Variants in FARS2 observed in about 807,000 individuals in gnomAD.
FARS2 encodes the protein phenylalanine--tRNA ligase, mitochondrial.
A neutral mutation model predicts 46.4 loss-of-function variants in FARS2; 40 were observed. The ratio of observed to expected loss-of-function variants is 0.86; its 90% CI spans 0.67 to 1.12. The LOEUF (loss-of-function observed/expected upper bound fraction) is 1.12. FARS2 is among the 50% of genes most tolerant of loss of function. FARS2 has a pLI of 0.00. For synonymous variants in FARS2, 234 were observed against 214.9 expected, an observed-to-expected ratio of 1.09 and a Z score of -0.78; for missense variants, 513 against 567.9, an observed-to-expected ratio of 0.90 and a Z score of 0.98.
At chr6:5,670,968 C>CAGTGTG (rs1358270329) in intron 6 of FARS2, among the ~76,000 whole-genome samples, 58 of 152,214 alleles carry the variant, frequency 3.8e-4, no homozygotes, top group Non-Finnish European at 6.3e-4. Context: ...GCAGTCTATG[C>CAGTGTG]CTGACTGTAT....
chr6:5,644,958 G>C (rs1049079128), intron 6 of FARS2, among the ~76,000 whole-genome samples: 5 of 152,322 alleles, frequency 3.3e-5, no homozygotes, highest in African/African-American at 1.2e-4. Flanking sequence ...CTAGAAAAGA[G>C]ACTGAACAAA....
At chr6:5,268,192 G>C (rs1765684131) in intron 1 of FARS2, among the ~76,000 whole-genome samples, 2 of 151,768 alleles carry the variant, frequency 1.3e-5, no homozygotes, top group Non-Finnish European at 2.9e-5. Context: ...TTGCTGTGCA[G>C]AAGCTCTTTA....
intron 6 of FARS2, among the ~76,000 whole-genome samples, chr6:5,688,529 C>A (rs903085443): frequency 1.8e-4 from 27 of 152,192 alleles, no homozygotes; most frequent in Non-Finnish European, 3.5e-4. Context: ...GTTGAAGCAG[C>A]CTTGCATCCC....
intron 4 of FARS2, among the ~76,000 whole-genome samples, chr6:5,468,027 A>G (rs1256233159): frequency 6.6e-6 from 1 of 152,226 alleles, no homozygotes; most frequent in Admixed American, 6.5e-5. Flanking sequence ...GTAAAAACTT[A>G]TAGCCACCAA....
chr6:5,596,301 C>G (rs754544634), intron 5 of FARS2, among the ~76,000 whole-genome samples: 2 of 152,244 alleles, frequency 1.3e-5, no homozygotes, highest in Non-Finnish European at 2.9e-5. Context: ...GCTCATTAAC[C>G]GTGCACCCCT....
At chr6:5,632,694 T>C (rs1348092543) in intron 6 of FARS2, among the ~76,000 whole-genome samples, 2 of 150,538 alleles carry the variant, frequency 1.3e-5, no homozygotes, top group African/African-American at 4.9e-5. Context: ...TGTGAAGTGG[T>C]GTCTCATCGT....
At chr6:5,253,427 GT>G in the FARS2 span, among the ~76,000 whole-genome samples, 32 of 145,650 alleles carry the variant, frequency 2.2e-4, no homozygotes, top group East Asian at 9.9e-4. Context: ...GCAATTCTCA[GT>G]TTTTTTTTTT....
At position 5,771,385 on chromosome 6, in the gene FARS2, C is replaced by A. The variant is rs1477908693; in HGVS notation, c.1312C>A (p.Gln438Lys). ...GGTCAGGCACATCCACCAGGCCTTG[C>A]AGGAGGCTGCAGTCCAGCTGTTGGG... The part of the protein sequence containing the change: ...REVRHIHQAL[Q>K]EAAVQLLGVE... Residue 438 changes from glutamine (Q) to lysine (K), a missense_variant, in exon 7 of 7, where the codon CAG becomes AAG. By Grantham distance (53) the Gln-to-Lys change is moderately conservative. Transcript: ENST00000274680. The A allele has an allele frequency of 1.2e-6, 2 of 1,614,238 alleles. No homozygotes were observed. Among genetic ancestry groups the A allele is most frequent in the Admixed American group, 3.3e-5 (2 of 60,032 alleles).
chr6:5,729,183 C>G (rs1760468233), intron 6 of FARS2, among the ~76,000 whole-genome samples: 1 of 152,210 alleles, frequency 6.6e-6, no homozygotes, highest in South Asian at 2.1e-4. Context: ...CAGGAAAGAG[C>G]CAGGCCCTGG....
intron 6 of FARS2, among the ~76,000 whole-genome samples, chr6:5,745,525 G>A (rs1211128598): frequency 6.6e-6 from 1 of 152,186 alleles, no homozygotes. Flanking sequence ...GCAAAGAAGA[G>A]AATAAATCAA....
chr6:5,710,468 G>T (rs1473645429), intron 6 of FARS2, among the ~76,000 whole-genome samples: 9 of 152,100 alleles, frequency 5.9e-5, no homozygotes, highest in Admixed American at 5.9e-4. Context: ...TGCAACAAGG[G>T]TTTTCAGACA....
chr6:5,618,827 A>G (rs1775613662), intron 6 of FARS2, among the ~76,000 whole-genome samples: 1 of 152,202 alleles, frequency 6.6e-6, no homozygotes, highest in Admixed American at 6.5e-5. Flanking sequence ...AGGGAAGGGG[A>G]CCAGGTTGCC....
In FARS2 at chr6:5,296,298, C is replaced by T. The variant is rs1225509973; in HGVS notation, c.-22+34638C>T. On this transcript the variant is annotated intron_variant, in intron 1 of 6. Coordinates refer to ENST00000274680, the MANE Select transcript of FARS2 (RefSeq NM_006567.5). Reference sequence around the variant, plus strand: ...CTGGGACTGCAGGTGCCCATCACCACGCCCAGCTAATTTTTTGTATTTTTA... The same window carrying T: ...CTGGGACTGCAGGTGCCCATCACCATGCCCAGCTAATTTTTTGTATTTTTA... Among the ~76,000 whole-genome samples, 5 of 151,818 alleles carry T rather than the reference C, an allele frequency of 3.3e-5. No individual in the cohort carries two copies. In the East Asian group the frequency reaches 7.7e-4, roughly 24 times the overall value.
chr6:5,335,135 G>A (rs1771066729), intron 1 of FARS2, among the ~76,000 whole-genome samples: 1 of 152,170 alleles, frequency 6.6e-6, no homozygotes, highest in African/African-American at 2.4e-5. Context: ...GCGTATGACT[G>A]TACTCTAGAA....
chr6:5,766,357 CTTCCCAGACCACCT>C (rs1467621841), intron 6 of FARS2, among the ~76,000 whole-genome samples: 1 of 152,218 alleles, frequency 6.6e-6, no homozygotes, highest in Non-Finnish European at 1.5e-5. Context: ...AGCTGTCTGG[CTTCCCAGACCACCT>C]TTTAATGCCC....
chr6:5,738,742 AAT>A (rs1471603760), intron 6 of FARS2, among the ~76,000 whole-genome samples: 1 of 150,484 alleles, frequency 6.6e-6, no homozygotes, highest in Non-Finnish European at 1.5e-5. Flanking sequence ...CAACAGTTAA[AAT>A]AAAAAAACTT....
chr6:5,618,035 C>T (rs1404806870), intron 6 of FARS2, among the ~76,000 whole-genome samples: 2 of 152,162 alleles, frequency 1.3e-5, no homozygotes, highest in African/African-American at 4.8e-5. Context: ...TAAGATTTCT[C>T]TCGTAACTAC....
intron 4 of FARS2, among the ~76,000 whole-genome samples, chr6:5,432,881 T>A (rs991996677): frequency 3.9e-5 from 6 of 152,158 alleles, no homozygotes; most frequent in African/African-American, 1.4e-4. Context: ...GTGCAGGAGC[T>A]TGTGTTACCT....
Position 5,720,419 on chromosome 6 carries a change from G to A in FARS2, c.1218-50872G>A, listed in dbSNP as rs186773196. Reference sequence around the variant, plus strand: ...ATGTTAATTGATCAGTTTTCCAGATGTTAATTGATCAGTTTTCCAGATGTT... The same window carrying A: ...ATGTTAATTGATCAGTTTTCCAGATATTAATTGATCAGTTTTCCAGATGTT... On this transcript the variant is annotated intron_variant, in intron 6 of 6. Coordinates refer to ENST00000274680, the MANE Select transcript of FARS2 (RefSeq NM_006567.5). 1.6e-3 allele frequency among the ~76,000 whole-genome samples: 248 copies of A among 152,300 alleles called. 1 individual carries two copies. The highest frequency in any genetic ancestry group is 5.7e-3 in the African/African-American group (236 of 41,564).
Sources: allele counts gnomAD v4.1 joint callset (sites outside exome capture counted in the v4.1 genomes callset), GRCh38; gene constraint gnomAD v4.1.1; transcripts MANE v1.5; gene names NCBI Gene and HGNC (gene_info 2026-07-23, HGNC 2026-07-21).